ALLC: variants seen among roughly 807,000 people sequenced by gnomAD.
ALLC encodes the protein probable inactive allantoicase.
In ALLC, 40 loss-of-function variants were observed where a neutral mutation model predicts 45.0. That is an observed-to-expected ratio of 0.89 (90% CI 0.69 to 1.16). ALLC has a LOEUF of 1.16. Among genes scored for constraint, ALLC ranks in the 50% most tolerant of loss-of-function variants. ALLC has a pLI of 0.00. For missense variants in ALLC, 488 were observed against 493.1 expected, an observed-to-expected ratio of 0.99 and a Z score of 0.10; for synonymous variants, 176 against 178.1, an observed-to-expected ratio of 0.99 and a Z score of 0.09.
intron 1 of ALLC, among the ~76,000 whole-genome samples, chr2:3,660,342 C>G (rs1346137455): frequency 6.6e-6 from 1 of 152,184 alleles, no homozygotes; most frequent in East Asian, 1.9e-4. Context: ...GTACCGCCTG[C>G]AGAACCATGA....
chr2:3,676,082 T>C (rs1048557245), intron 3 of ALLC, among the ~76,000 whole-genome samples: 1 of 152,246 alleles, frequency 6.6e-6, no homozygotes, highest in African/African-American at 2.4e-5. Context: ...CCCAAAGTCC[T>C]CATCTCCGAA....
At chr2:3,685,555 T>C (rs924676374) in intron 7 of ALLC, among the ~76,000 whole-genome samples, 2 of 150,636 alleles carry the variant, frequency 1.3e-5, no homozygotes, top group Admixed American at 1.3e-4. Context: ...AAGAACAGCA[T>C]GGGGAAAACC....
intron 1 of ALLC, among the ~76,000 whole-genome samples, chr2:3,669,929 A>C (rs371228990): frequency 2.6e-5 from 4 of 152,318 alleles, no homozygotes; most frequent in East Asian, 3.9e-4. Context: ...CATGTCGGGA[A>C]GGTGCTATGC....
In ALLC at chr2:3,681,625, C is replaced by CA. The variant is rs747462485; in HGVS notation, c.299-7dup. The CA allele has an allele frequency of 6.2e-6, 10 of 1,600,090 alleles. No homozygotes were observed. The Admixed American group carries it at 1.4e-4, about 22-fold the overall frequency. On this transcript the variant is annotated splice_polypyrimidine_tract_variant and intron_variant, in intron 5 of 11. Transcript: ENST00000252505. ...TAATCTTAATCCTGAATGGTCATTCCAACTACAGATAAACTACCAGAAATC... is the reference window on the plus strand; with the variant it reads ...TAATCTTAATCCTGAATGGTCATTCCAAACTACAGATAAACTACCAGAAATC...
intron 3 of ALLC, among the ~76,000 whole-genome samples, chr2:3,676,306 C>G (rs1482278461): frequency 1.3e-5 from 2 of 152,220 alleles, no homozygotes; most frequent in Non-Finnish European, 2.9e-5. Context: ...GGGGCAGGAT[C>G]TCGCTGTGAT....
rs73910332 is a variant in ALLC, at chr2:3,693,345, A to G, written c.512-2372A>G. ...ATGATGCTTTAAAGTGAGACATGAA[A>G]ATGGAAAGATCTAAACACGTTTACT... On this transcript the variant is annotated intron_variant, in intron 7 of 11. Transcript: ENST00000252505. Among the ~76,000 whole-genome samples, 1,205 of 152,328 alleles carry G rather than the reference A, an allele frequency of 7.9e-3. 12 individuals are homozygous for G. Among genetic ancestry groups the G allele is most frequent in the African/African-American group, 0.027 (1,112 of 41,572 alleles).
intron 7 of ALLC, among the ~76,000 whole-genome samples, chr2:3,694,030 G>A (rs1667592689): frequency 6.6e-6 from 1 of 152,060 alleles, no homozygotes; most frequent in Non-Finnish European, 1.5e-5. Context: ...CTGCAAAATA[G>A]TGATACATAC....
At chr2:3,682,920 A>G (rs1291190476) in intron 6 of ALLC, 22 bp from the exon 7 acceptor site, 1 of 1,610,918 alleles carries the variant, frequency 6.2e-7, no homozygotes, top group South Asian at 1.1e-5. Context: ...GCAATTGCTG[A>G]CATTTCTATA....
At chr2:3,702,299 G>A (rs1384052128) in intron 11 of ALLC, 64 bp from the exon 12 acceptor site, 1 of 1,456,936 alleles carries the variant, frequency 6.9e-7, no homozygotes, top group East Asian at 2.4e-5. Flanking sequence ...CCCGGGCCGT[G>A]GGCTCATTCG....
chr2:3,678,676 A>G (rs2148005203), intron 4 of ALLC, 121 bp downstream of exon 4: 1 of 748,316 alleles, frequency 1.3e-6, no homozygotes, highest in South Asian at 1.7e-5. Context: ...AATGCTCTGT[A>G]ATCTTGGATG....
chr2:3,651,309 T>G, the ALLC span, among the ~76,000 whole-genome samples: 720 of 10,422 alleles, frequency 0.069, 56 homozygotes, highest in Middle Eastern at 0.12. Flanking sequence ...GGTGGGTGGG[T>G]GGGTGGGGGG....
the ALLC span, among the ~76,000 whole-genome samples, chr2:3,651,301 TGG>T: frequency 4.0e-3 from 31 of 7,756 alleles, no homozygotes; most frequent in Non-Finnish European, 7.6e-3. Context: ...TCTTTTTGGG[TGG>T]GTGGGTGGGT....
In ALLC at chr2:3,695,293, G is replaced by A. The variant is rs190840492; in HGVS notation, c.512-424G>A. On this transcript the variant is annotated intron_variant, in intron 7 of 11. Transcript: ENST00000252505. ...AAGTGGTCTGGCCTACAAGGATTTC[G>A]CATTCTGGGTATTGGAGACTGATTT... The A allele has an allele frequency of 4.4e-4, 88 of 201,414 alleles. 1 individual carries two copies. The highest frequency in any genetic ancestry group is 2.1e-3 in the Admixed American group (40 of 18,976). 12.5% of individuals were successfully genotyped at this position (201,414 alleles called of 1,614,324 possible).
At chr2:3,682,783 C>T (rs1667226183) in intron 6 of ALLC, among the ~76,000 whole-genome samples, 159 bp from the exon 7 acceptor site, 1 of 152,238 alleles carries the variant, frequency 6.6e-6, no homozygotes, top group East Asian at 1.9e-4. Flanking sequence ...CCTCGGCCTC[C>T]CAAGGTGCTG....
Position 3,680,030 on chromosome 2 carries a change from A to T in ALLC, c.298+36A>T. ...AACCACTGTCCCCAAAATGAGAATT[A>T]TGGGTCACATGGCTCCTCTGGCCAG... On this transcript the variant is annotated intron_variant, in intron 5 of 11. Coordinates refer to ENST00000252505, the MANE Select transcript of ALLC (RefSeq NM_018436.4). The surrounding 1 kb of genome is among the most constrained non-coding windows in gnomAD (Gnocchi z 4.0). 1.2e-6 allele frequency: 2 copies of T among 1,610,742 alleles called. No individual in the cohort carries two copies. Among genetic ancestry groups the T allele is most frequent in the Non-Finnish European group, 1.7e-6 (2 of 1,177,346 alleles).
rs752388168 is a variant in ALLC, at chr2:3,696,356, G to T, written c.741+8G>T. ...CGGCCACCAATATTAGAAGTAAGAA[G>T]TTAAAAATAACTATGGTTTAAAGTT... On this transcript the variant is annotated splice_region_variant and intron_variant, in intron 9 of 11. Transcript: ENST00000252505. 6.2e-7 allele frequency: 1 copy of T among 1,605,448 alleles called. No individual in the cohort carries two copies. Among genetic ancestry groups the T allele is most frequent in the Non-Finnish European group, 8.5e-7 (1 of 1,176,100 alleles).
chr2:3,695,284 A>G (rs1667632565), intron 7 of ALLC: 2 of 203,120 alleles, frequency 9.8e-6, no homozygotes. Context: ...TCTGGCCTAC[A>G]AGGATTTCGC....
At chr2:3,671,280 A>G (rs905418108) in intron 2 of ALLC, 90 bp downstream of exon 2, 2 of 1,458,538 alleles carry the variant, frequency 1.4e-6, no homozygotes, top group Non-Finnish European at 9.4e-7. Context: ...TGCAAGAATC[A>G]ACAAGAATCA....
intron 7 of ALLC, among the ~76,000 whole-genome samples, chr2:3,685,181 A>G (rs1181187200): frequency 6.6e-6 from 1 of 152,142 alleles, no homozygotes; most frequent in Non-Finnish European, 1.5e-5. Context: ...ATTCTCACCA[A>G]TAGTGTACAT....
Sources: allele counts gnomAD v4.1 joint callset (sites outside exome capture counted in the v4.1 genomes callset), GRCh38; gene constraint gnomAD v4.1.1; non-coding constraint Gnocchi (gnomAD v3.1); transcripts MANE v1.5; gene names NCBI Gene and HGNC (gene_info 2026-07-23, HGNC 2026-07-21).